The following NRN1 variants were observed in gnomAD, a reference collection of about 807,000 sequenced individuals.
The protein encoded by NRN1 is neuritin 1.
Under a neutral mutation model 15.0 loss-of-function variants are expected in NRN1, and 4 were observed. The observed-to-expected ratio is 0.27, with a 90% CI of 0.13 to 0.61. The LOEUF (loss-of-function observed/expected upper bound fraction) is 0.61. Among genes scored for constraint, NRN1 ranks in the 20% least tolerant of loss-of-function variants. The pLI, the probability that NRN1 is intolerant of heterozygous loss-of-function variation, is 0.87. For synonymous variants in NRN1, 85 were observed against 79.8 expected, an observed-to-expected ratio of 1.07 and a Z score of -0.35; for missense variants, 134 against 181.9, an observed-to-expected ratio of 0.74 and a Z score of 1.51.
At chr6:6,002,247 A>T in intron 2 of NRN1, 106 bp downstream of exon 2, 3 of 1,419,356 alleles carry the variant, frequency 2.1e-6, no homozygotes, top group Admixed American at 3.6e-5. Context: ...GCCGATGCGG[A>T]TTCGCGCTGG....
At chr6:6,002,867 T>G (rs111672300) in intron 1 of NRN1, 13,114 of 382,108 alleles carry the variant, frequency 0.034, 311 homozygotes, top group East Asian at 0.086. Context: ...CGCTCCCTCC[T>G]TCGTCTCCCA....
chr6:6,002,505 G>C lies in NRN1; in HGVS notation c.56-8C>G, dbSNP rs754882688. ...CGGCCTGCACCAGATACGCTGCGGG[G>C]AGGAGGGAACACCGGTCAGCAGCGC... On this transcript the variant is annotated splice_polypyrimidine_tract_variant and splice_region_variant and intron_variant, in intron 1 of 2. Coordinates refer to ENST00000244766, the MANE Select transcript of NRN1 (RefSeq NM_016588.3). The C allele has an allele frequency of 6.2e-7, 1 of 1,612,220 alleles. No homozygotes were observed. The highest frequency in any genetic ancestry group is 1.7e-5 in the Admixed American group (1 of 60,008).
intron 2 of NRN1, among the ~76,000 whole-genome samples, chr6:6,000,964 G>T (rs1331784460): frequency 1.3e-5 from 2 of 151,918 alleles, no homozygotes; most frequent in African/African-American, 4.8e-5. Flanking sequence ...AAAATAGCTT[G>T]GAATAAACAA....
At chr6:6,003,233 C>T (rs2151033406) in intron 1 of NRN1, 2 of 1,234,530 alleles carry the variant, frequency 1.6e-6, no homozygotes, top group East Asian at 6.3e-5. Flanking sequence ...GGAAAGAGGG[C>T]AGCCTGGACG....
intron 1 of NRN1, 47 bp from the exon 2 acceptor site, chr6:6,002,544 T>C: frequency 6.3e-7 from 1 of 1,588,076 alleles, no homozygotes; most frequent in Non-Finnish European, 8.6e-7. Flanking sequence ...GACCCCGCCC[T>C]GCCGCCCACT....
At chr6:6,007,044 A>C, upstream of NRN1, 3 of 397,684 alleles carry the variant, frequency 7.5e-6, no homozygotes, top group East Asian at 4.6e-5. Flanking sequence ...AGCAGGCCTG[A>C]CGTGGGGGAT....
chr6:6,002,681 G>A, intron 1 of NRN1, 184 bp from the exon 2 acceptor site: 1 of 741,654 alleles, frequency 1.3e-6, no homozygotes, highest in South Asian at 1.9e-5. Context: ...TGCCCGACCT[G>A]CAGCTAACGC....
intron 2 of NRN1, 80 bp downstream of exon 2, chr6:6,002,273 G>C: frequency 2.0e-6 from 3 of 1,524,700 alleles, no homozygotes; most frequent in Non-Finnish European, 2.7e-6. Flanking sequence ...AACGCTGAGC[G>C]CAGGCGGGGA....
Position 5,998,922 on chromosome 6 carries a change from T to C in NRN1, c.*54A>G. On this transcript the variant is annotated 3_prime_UTR_variant, in exon 3 of 3. Coordinates refer to ENST00000244766, the MANE Select transcript of NRN1 (RefSeq NM_016588.3). ...GAACTAATGGATCTTCCTCTCGATT[T>C]CCGGGAGCATGGAGTGAGTGTGGGT... The C allele has an allele frequency of 1.5e-6, 2 of 1,308,478 alleles. No individual in the cohort carries two copies. Among genetic ancestry groups the C allele is most frequent in the Non-Finnish European group, 2.2e-6 (2 of 923,956 alleles). 81.1% of individuals were successfully genotyped at this position (1,308,478 alleles called of 1,614,324 possible).
intron 1 of NRN1, chr6:6,002,806 C>T: frequency 9.2e-6 from 4 of 434,322 alleles, no homozygotes; most frequent in Non-Finnish European, 1.6e-5. Context: ...TTTTCTGTTT[C>T]CATCGCCCCC....
intron 2 of NRN1, among the ~76,000 whole-genome samples, chr6:6,001,272 T>G (rs1299248455): frequency 1.3e-5 from 2 of 152,130 alleles, no homozygotes; most frequent in African/African-American, 2.4e-5. Flanking sequence ...AGTATACAAA[T>G]GATGCCACAG....
intron 1 of NRN1, chr6:6,002,826 C>T: frequency 4.8e-6 from 2 of 413,274 alleles, no homozygotes; most frequent in Admixed American, 4.1e-5. Flanking sequence ...CTCTTCTCAC[C>T]TCCCTCATCC....
chr6:6,001,230 TG>T (rs1267887174), intron 2 of NRN1, among the ~76,000 whole-genome samples: 2 of 152,208 alleles, frequency 1.3e-5, no homozygotes, highest in African/African-American at 4.8e-5. Context: ...CAGTCCCCTT[TG>T]CCCCAGTTGG....
At chr6:6,001,347 A>G (rs1196090831) in intron 2 of NRN1, among the ~76,000 whole-genome samples, 2 of 152,130 alleles carry the variant, frequency 1.3e-5, no homozygotes, top group Non-Finnish European at 2.9e-5. Context: ...TGAAACAGTT[A>G]TTTTGGGGGT....
intron 1 of NRN1, chr6:6,003,130 A>G (rs1301774196): frequency 8.8e-7 from 1 of 1,135,074 alleles, no homozygotes; most frequent in Non-Finnish European, 1.1e-6. Flanking sequence ...ACCAGCAGTT[A>G]CCGAAATGGA....
At chr6:6,007,295 G>A (rs1758135676), upstream of NRN1, among the ~76,000 whole-genome samples, 1 of 151,686 alleles carries the variant, frequency 6.6e-6, no homozygotes, top group Non-Finnish European at 1.5e-5. Context: ...TTCCCCGCCA[G>A]GAGCTGGGGA....
intron 2 of NRN1, 53 bp from the exon 3 acceptor site, chr6:5,999,257 A>G: frequency 6.6e-7 from 1 of 1,507,976 alleles, no homozygotes; most frequent in African/African-American, 1.4e-5. Context: ...GGACGCCGGG[A>G]ACACCCCGGG....
intron 2 of NRN1, among the ~76,000 whole-genome samples, chr6:5,999,939 C>T (rs1582990412): frequency 6.6e-6 from 1 of 152,312 alleles, no homozygotes; most frequent in Admixed American, 6.5e-5. Flanking sequence ...CTCTCTTCTC[C>T]CCGGGGTCGG....
intron 2 of NRN1, among the ~76,000 whole-genome samples, chr6:5,999,501 C>A (rs898047973): frequency 6.6e-6 from 1 of 152,272 alleles, no homozygotes; most frequent in African/African-American, 2.4e-5. Flanking sequence ...GCCGTGCACC[C>A]GCTGTGGCGC....
Sources: gnomAD v4.1 joint callset for allele counts (sites outside exome capture counted in the v4.1 genomes callset) on GRCh38, gnomAD v4.1.1 for gene constraint, MANE v1.5 for transcripts, NCBI Gene and HGNC (gene_info 2026-07-23, HGNC 2026-07-21) for gene names.